Variants in DNM3 observed in about 807,000 individuals in gnomAD.
DNM3 encodes the protein dynamin-3.
In DNM3, 47 loss-of-function variants were observed where a neutral mutation model predicts 101.6. The ratio of observed to expected loss-of-function variants is 0.46; its 90% CI spans 0.37 to 0.59. The LOEUF (loss-of-function observed/expected upper bound fraction) is 0.59, where lower values mean the gene tolerates loss of function less well. Among genes scored for constraint, DNM3 ranks in the 20% least tolerant of loss-of-function variants. The probability of loss-of-function intolerance (pLI) is 0.00; values close to 1 mark genes in which losing one functional copy is unlikely to be tolerated. For missense variants in DNM3, 849 were observed against 1,085.7 expected, an observed-to-expected ratio of 0.78 and a Z score of 3.06; for synonymous variants, 385 against 387.9, an observed-to-expected ratio of 0.99 and a Z score of 0.09.
intron 1 of DNM3, among the ~76,000 whole-genome samples, chr1:171,908,728 G>A (rs1398996956): frequency 5.9e-5 from 9 of 151,608 alleles, no homozygotes; most frequent in Non-Finnish European, 1.0e-4. Context: ...TAATTTCTTC[G>A]CACTGAAAAC....
intron 17 of DNM3, among the ~76,000 whole-genome samples, chr1:172,356,736 A>G: frequency 6.6e-6 from 1 of 152,050 alleles, no homozygotes; most frequent in East Asian, 1.9e-4. Context: ...CATGCTGGTG[A>G]CTTTTTACCA....
intron 18 of DNM3, 123 bp downstream of exon 18, chr1:172,379,305 C>A: frequency 2.2e-6 from 2 of 893,184 alleles, no homozygotes; most frequent in East Asian, 2.7e-5. Context: ...CCAGGTTCAT[C>A]ATTTTCCATT....
chr1:172,106,728 T>TATATTG, intron 13 of DNM3, among the ~76,000 whole-genome samples: 1 of 152,298 alleles, frequency 6.6e-6, no homozygotes. Context: ...TGTAATTTGT[T>TATATTG]ATATTGATAT....
At chr1:171,993,131 A>G (rs145878848) in intron 4 of DNM3, among the ~76,000 whole-genome samples, 1 of 152,250 alleles carries the variant, frequency 6.6e-6, no homozygotes, top group African/African-American at 2.4e-5. Flanking sequence ...AAAGAGTTAC[A>G]AACAAAAATA....
At chr1:172,418,212 T>G in intron 20 of DNM3, 1 of 1,195,908 alleles carries the variant, frequency 8.4e-7, no homozygotes, top group Non-Finnish European at 1.1e-6. Context: ...AATTTAAACA[T>G]TGTTTTCTTC....
chr1:172,109,951 A>G (rs2055339431), intron 13 of DNM3, among the ~76,000 whole-genome samples: 1 of 152,232 alleles, frequency 6.6e-6, no homozygotes. Context: ...CTACCCTGAG[A>G]CATTCTGCTG....
intron 11 of DNM3, among the ~76,000 whole-genome samples, chr1:172,075,901 G>A (rs1226998020): frequency 6.6e-6 from 1 of 152,108 alleles, no homozygotes; most frequent in Non-Finnish European, 1.5e-5. Context: ...AATTACTTTG[G>A]GCAGTATTGC....
intron 2 of DNM3, among the ~76,000 whole-genome samples, chr1:171,964,755 G>C (rs2043452137): frequency 6.6e-6 from 1 of 152,110 alleles, no homozygotes; most frequent in Non-Finnish European, 1.5e-5. Flanking sequence ...TAGTATTTTA[G>C]TTTAAGTATA....
At chr1:172,267,053 G>A (rs111708814) in intron 15 of DNM3, among the ~76,000 whole-genome samples, 1,860 of 152,272 alleles carry the variant, frequency 0.012, 36 homozygotes, top group African/African-American at 0.042. Flanking sequence ...CCTGAACAAT[G>A]AGTTTAAGAA....
chr1:172,190,868 A>AT (rs1229114167), intron 14 of DNM3, among the ~76,000 whole-genome samples: 3 of 151,498 alleles, frequency 2.0e-5, no homozygotes, highest in Non-Finnish European at 4.4e-5. Flanking sequence ...GGATTGTTTG[A>AT]TTTTTTCTCG....
intron 13 of DNM3, among the ~76,000 whole-genome samples, chr1:172,110,976 C>T (rs2055430636): frequency 6.6e-6 from 1 of 152,186 alleles, no homozygotes; most frequent in Non-Finnish European, 1.5e-5. Context: ...ATCGAGGTTG[C>T]AGTAAGCTGA....
chr1:171,973,230 A>G (rs1050283955), intron 2 of DNM3, among the ~76,000 whole-genome samples: 5 of 152,194 alleles, frequency 3.3e-5, no homozygotes, highest in African/African-American at 1.2e-4. Flanking sequence ...AGCTTGAAGT[A>G]GTGACACACA....
At chr1:172,240,570 C>T (rs892155033) in intron 14 of DNM3, among the ~76,000 whole-genome samples, 2 of 152,122 alleles carry the variant, frequency 1.3e-5, no homozygotes, top group African/African-American at 4.8e-5. Flanking sequence ...GCCAAAATAA[C>T]ACTGTTATTT....
intron 14 of DNM3, among the ~76,000 whole-genome samples, chr1:172,183,382 A>G (rs1247749341): frequency 6.6e-6 from 1 of 152,070 alleles, no homozygotes; most frequent in Non-Finnish European, 1.5e-5. Flanking sequence ...ACACAAATTA[A>G]ATTTTGATGT....
At chr1:172,342,612 G>A (rs2066739801) in intron 17 of DNM3, among the ~76,000 whole-genome samples, 1 of 152,114 alleles carries the variant, frequency 6.6e-6, no homozygotes, top group African/African-American at 2.4e-5. Flanking sequence ...ATTTGAGGGT[G>A]GAGAGTGGGA....
At chr1:171,958,189 G>A (rs1315381446) in intron 2 of DNM3, among the ~76,000 whole-genome samples, 6 of 152,168 alleles carry the variant, frequency 3.9e-5, no homozygotes, top group African/African-American at 1.2e-4. Flanking sequence ...CAGATCTCAT[G>A]AGACTTATTC....
chr1:172,204,712 G>T (rs1001163901), intron 14 of DNM3, among the ~76,000 whole-genome samples: 3 of 152,034 alleles, frequency 2.0e-5, no homozygotes, highest in African/African-American at 4.8e-5. Context: ...AATCCTGATG[G>T]TCTTTTCTTT....
chr1:172,232,443 A>C (rs930167208), intron 14 of DNM3, among the ~76,000 whole-genome samples: 1 of 152,164 alleles, frequency 6.6e-6, no homozygotes, highest in Non-Finnish European at 1.5e-5. Flanking sequence ...ATAATGGGAG[A>C]CTTTAACACC....
At chr1:171,991,855 A>G (rs968064929) in intron 4 of DNM3, among the ~76,000 whole-genome samples, 1 of 152,218 alleles carries the variant, frequency 6.6e-6, no homozygotes, top group Admixed American at 6.5e-5. Flanking sequence ...GAAGAAGACT[A>G]AAAATGCGTA....
Sources: allele counts gnomAD v4.1 joint callset (sites outside exome capture counted in the v4.1 genomes callset), GRCh38; gene constraint gnomAD v4.1.1; transcripts MANE v1.5; gene names NCBI Gene and HGNC (gene_info 2026-07-23, HGNC 2026-07-21).